RTN4RL2: variants seen among roughly 807,000 people sequenced by gnomAD.
The protein encoded by RTN4RL2 is reticulon 4 receptor like 2.
Under a neutral mutation model 27.8 loss-of-function variants are expected in RTN4RL2, and 9 were observed. The ratio of observed to expected loss-of-function variants is 0.32; its 90% CI spans 0.20 to 0.57. RTN4RL2 has a LOEUF of 0.57. Among genes scored for constraint, RTN4RL2 ranks in the 20% least tolerant of loss-of-function variants. The pLI, the probability that RTN4RL2 is intolerant of heterozygous loss-of-function variation, is 0.90. For synonymous variants in RTN4RL2, 285 were observed against 297.9 expected (o/e 0.96, Z 0.45); for missense variants, 436 against 596.8 (o/e 0.73, Z 2.81).
At chr11:57,468,726 C>T in intron 2 of RTN4RL2, 3 of 1,536,094 alleles carry the variant, frequency 2.0e-6, no homozygotes, top group African/African-American at 1.4e-5. Flanking sequence ...GAAGCCCACA[C>T]CCCTTCTAGA....
chr11:57,474,582 G>A (rs1943585286), intron 2 of RTN4RL2, among the ~76,000 whole-genome samples: 1 of 152,224 alleles, frequency 6.6e-6, no homozygotes, highest in Non-Finnish European at 1.5e-5. Context: ...TGACCACAGT[G>A]ATGCCCTGCA....
rs1361497282 is a variant in RTN4RL2, at chr11:57,468,810, G to A, written c.513+720G>A. The A allele has an allele frequency of 5.3e-6, 7 of 1,331,898 alleles. No individual in the cohort carries two copies. The East Asian group carries it at 1.5e-4, about 29-fold the overall frequency. The allele number at this position is 1,331,898 out of a possible 1,614,324, so 82.5% of individuals were successfully genotyped here. ...GGTAAATCTCTGTTATGCAGCTGGAGAATGGATGCTCTGAAAATGGAAGGA... is the reference window on the plus strand; with the variant it reads ...GGTAAATCTCTGTTATGCAGCTGGAAAATGGATGCTCTGAAAATGGAAGGA... On this transcript the variant is annotated intron_variant, in intron 2 of 2. Transcript: ENST00000335099.
In RTN4RL2 at chr11:57,460,783, T is replaced by C; in HGVS notation, c.-83T>C. On this transcript the variant is annotated 5_prime_UTR_variant, in exon 1 of 3. Coordinates refer to ENST00000335099, the MANE Select transcript of RTN4RL2 (RefSeq NM_178570.3). ...CGGGCCCTCCCGGAGCCCCGCGGGG[T>C]CCCCGCCGTGCATCCGGCGGGCTCA... The C allele has an allele frequency of 1.4e-6, 1 of 730,246 alleles. No homozygotes were observed. Among genetic ancestry groups the C allele is most frequent in the Non-Finnish European group, 2.1e-6 (1 of 482,346 alleles). The allele number at this position is 730,246 out of a possible 1,614,324, so 45.2% of individuals were successfully genotyped here. A position where few individuals can be genotyped will look rare whatever the true frequency, so the allele number is the denominator to read the frequency against.
At chr11:57,473,532 G>C (rs1464552835) in intron 2 of RTN4RL2, among the ~76,000 whole-genome samples, 1 of 145,336 alleles carries the variant, frequency 6.9e-6, no homozygotes, top group South Asian at 2.1e-4. Flanking sequence ...TGAAATGGAA[G>C]AGGATGACTT....
intron 1 of RTN4RL2, among the ~76,000 whole-genome samples, chr11:57,466,606 C>T (rs1016556405): frequency 3.9e-5 from 6 of 152,188 alleles, no homozygotes; most frequent in African/African-American, 1.4e-4. Context: ...CTTAGAGACC[C>T]GACCCTTAAG....
At chr11:57,471,770 G>A (rs1943563503) in intron 2 of RTN4RL2, among the ~76,000 whole-genome samples, 2 of 152,254 alleles carry the variant, frequency 1.3e-5, no homozygotes, top group African/African-American at 4.8e-5. Flanking sequence ...CCAGGTGCCA[G>A]GGATTCAGGA....
chr11:57,466,162 G>A (rs941440062), intron 1 of RTN4RL2, among the ~76,000 whole-genome samples: 3 of 151,502 alleles, frequency 2.0e-5, no homozygotes, highest in South Asian at 2.1e-4. Context: ...CACCATGCCC[G>A]GCTAAATTTT....
intron 1 of RTN4RL2, among the ~76,000 whole-genome samples, chr11:57,466,168 AT>A (rs1015005976): frequency 0.016 from 2,323 of 148,616 alleles, 64 homozygotes; most frequent in African/African-American, 0.055. Context: ...GCCCGGCTAA[AT>A]TTTTTTTTTG....
chr11:57,476,765 G>T lies in RTN4RL2; in HGVS notation c.1117G>T (p.Gly373Cys). ...GCCTACTGAGGACGACTACTGGGGG[G>T]GCTACGGGGGTGAGGACCAGCGAGG... ...DAPTEDDYWG[G>C]YGGEDQRGEQ... The change falls in exon 3 of 3, where the codon GGC becomes TGC. Residue 373 changes from glycine (G) to cysteine (C), a missense_variant. By Grantham distance (159) the Gly-to-Cys change is radical. This residue lies in a region of RTN4RL2 where 60 missense variants were observed against 43.0 expected (regional missense o/e 1.40). Coordinates refer to ENST00000335099, the MANE Select transcript of RTN4RL2 (RefSeq NM_178570.3). The surrounding 1 kb of genome is among the most constrained non-coding windows in gnomAD (Gnocchi z 8.2). 6.8e-7 allele frequency: 1 copy of T among 1,475,280 alleles called. No individual in the cohort carries two copies. Among genetic ancestry groups the T allele is most frequent in the Non-Finnish European group, 8.9e-7 (1 of 1,120,546 alleles). 91.4% of individuals were successfully genotyped at this position (1,475,280 alleles called of 1,614,324 possible). A position where few individuals can be genotyped will look rare whatever the true frequency, so the allele number is the denominator to read the frequency against.
At position 57,467,683 on chromosome 11, in the gene RTN4RL2, A is replaced by T; in HGVS notation, c.106A>T (p.Thr36Ser). 6.2e-7 allele frequency: 1 copy of T among 1,611,032 alleles called. No homozygotes were observed. ...GGCCCCCAGCTGCCCCATGCTCTGC[A>T]CCTGCTACTCATCCCCGCCCACCGT... ...LAAPSCPMLC[T>S]CYSSPPTVSC... Residue 36 changes from threonine (T) to serine (S), a missense_variant, in exon 2 of 3, where the codon ACC (threonine) becomes TCC (serine). By Grantham distance (58) the Thr-to-Ser change is moderately conservative (BLOSUM62 1). Coordinates refer to ENST00000335099, the MANE Select transcript of RTN4RL2 (RefSeq NM_178570.3). The surrounding 1 kb of genome is among the most constrained non-coding windows in gnomAD (Gnocchi z 5.5).
Position 57,477,053 on chromosome 11 carries a change from C to G in RTN4RL2, c.*142C>G. On this transcript the variant is annotated 3_prime_UTR_variant, in exon 3 of 3. Coordinates refer to ENST00000335099, the MANE Select transcript of RTN4RL2 (RefSeq NM_178570.3). ...CCCAGCTCCTCTCCTCCCCGGGGAG[C>G]AGGCCGCCTCTCCTTGCCTGCCCCC... is the stretch of plus-strand genomic sequence containing the variant. 5 of 823,728 alleles carry G rather than the reference C, an allele frequency of 6.1e-6. No individual in the cohort carries two copies. Among genetic ancestry groups the G allele is most frequent in the South Asian group, 2.0e-5 (1 of 50,590 alleles). The allele number at this position is 823,728 out of a possible 1,614,324, so 51.0% of individuals were successfully genotyped here.
chr11:57,464,876 G>A (rs184913164), intron 1 of RTN4RL2, among the ~76,000 whole-genome samples: 6 of 152,284 alleles, frequency 3.9e-5, no homozygotes, highest in Non-Finnish European at 7.4e-5. Flanking sequence ...GAAAGTAATC[G>A]TGAAACGCCG....
chr11:57,461,048 G>T, intron 1 of RTN4RL2, 152 bp downstream of exon 1: 1 of 465,566 alleles, frequency 2.1e-6, no homozygotes. Flanking sequence ...CCCGCCGCCA[G>T]GGCTGTTCTC....
At chr11:57,475,811 A>G (rs115914092) in intron 2 of RTN4RL2, among the ~76,000 whole-genome samples, 1,689 of 152,296 alleles carry the variant, frequency 0.011, 32 homozygotes, top group African/African-American at 0.038. Context: ...GGTCCTGCCA[A>G]TGGCCACACT....
Position 57,476,962 on chromosome 11 carries a change from A to AC in RTN4RL2, c.*54dup. The AC allele has an allele frequency of 3.4e-6, 5 of 1,490,610 alleles. No individual in the cohort carries two copies. The highest frequency in any genetic ancestry group is 4.4e-6 in the Non-Finnish European group (5 of 1,126,578). 92.3% of individuals were successfully genotyped at this position (1,490,610 alleles called of 1,614,324 possible). A position where few individuals can be genotyped will look rare whatever the true frequency, so the allele number is the denominator to read the frequency against. On this transcript the variant is annotated 3_prime_UTR_variant, in exon 3 of 3. Transcript: ENST00000335099. This position sits in a 1 kb window ranked among gnomAD's most constrained non-coding sequence, Gnocchi z 8.2. Reference sequence around the variant, plus strand: ...AGTGTCCGATCCCCGCTTCCCGTCCACCCGGGGCTGCGGCTCCGGCCCCAG... The same window carrying AC: ...AGTGTCCGATCCCCGCTTCCCGTCCACCCCGGGGCTGCGGCTCCGGCCCCAG...
rs1943605372 is a variant in RTN4RL2, at chr11:57,477,469, C to A, written c.*558C>A. 1 of 152,434 alleles carries A rather than the reference C, an allele frequency of 6.6e-6. No individual in the cohort carries two copies. The highest frequency in any genetic ancestry group is 2.4e-5 in the African/African-American group (1 of 41,424). 9.4% of individuals were successfully genotyped at this position (152,434 alleles called of 1,614,324 possible). A position where few individuals can be genotyped will look rare whatever the true frequency, so the allele number is the denominator to read the frequency against. On this transcript the variant is annotated 3_prime_UTR_variant, in exon 3 of 3. Transcript: ENST00000335099. ...AGAACTTTCCTCTCCACTGTGGCCC[C>A]TGCGTGGTGAAGATCAAAAGAAGTT...
intron 1 of RTN4RL2, among the ~76,000 whole-genome samples, chr11:57,465,667 T>C (rs1226343036): frequency 6.6e-6 from 1 of 152,048 alleles, no homozygotes; most frequent in Non-Finnish European, 1.5e-5. Flanking sequence ...AGTTCCGGCC[T>C]AGAACTTTAT....
chr11:57,460,914 G>C lies in RTN4RL2; in HGVS notation c.31+18G>C. On this transcript the variant is annotated intron_variant, in intron 1 of 2. Coordinates refer to ENST00000335099, the MANE Select transcript of RTN4RL2 (RefSeq NM_178570.3). ...GCTGCAAGGTAAGAACGCCAGCGGC[G>C]GGAGAGCGGAGGGCATCCTGGGGAG... The C allele has an allele frequency of 7.2e-7, 1 of 1,383,714 alleles. No individual in the cohort carries two copies. The highest frequency in any genetic ancestry group is 9.5e-7 in the Non-Finnish European group (1 of 1,051,778). 85.7% of individuals were successfully genotyped at this position (1,383,714 alleles called of 1,614,324 possible).
intron 1 of RTN4RL2, among the ~76,000 whole-genome samples, chr11:57,462,379 C>T (rs145076232): frequency 7.5e-4 from 114 of 152,278 alleles, no homozygotes; most frequent in Non-Finnish European, 1.3e-3. Context: ...AGCATCTGCC[C>T]GCAGGCCCCA....
Sources: gnomAD v4.1 joint callset for allele counts (sites outside exome capture counted in the v4.1 genomes callset) on GRCh38, gnomAD v4.1.1 for gene constraint, gnomAD v4.1.1 regional missense constraint, Gnocchi (gnomAD v3.1) non-coding constraint, MANE v1.5 for transcripts, NCBI Gene and HGNC (gene_info 2026-07-23, HGNC 2026-07-21) for gene names.